Variants in KNL1 observed in about 807,000 individuals in gnomAD.
The protein encoded by KNL1 is kinetochore scaffold 1, also known as outer kinetochore KNL1 complex subunit KNL1.
Under a neutral mutation model 201.3 loss-of-function variants are expected in KNL1, and 66 were observed. The ratio of observed to expected loss-of-function variants is 0.33; its 90% CI spans 0.27 to 0.40. The LOEUF (loss-of-function observed/expected upper bound fraction) is 0.40, where lower values mean the gene tolerates loss of function less well. Among genes scored for constraint, KNL1 ranks in the 10% least tolerant of loss-of-function variants. The probability of loss-of-function intolerance (pLI) is 1.00; values close to 1 mark genes in which losing one functional copy is unlikely to be tolerated. For missense variants in KNL1, 2,815 were observed against 2,690.5 expected, an observed-to-expected ratio of 1.05 and a Z score of -1.02; for synonymous variants, 895 against 899.2, an observed-to-expected ratio of 1.00 and a Z score of 0.08.
Position 40,643,888 on chromosome 15 carries a change from GTTAAA to G in KNL1, c.5799-1103_5799-1099del, listed in dbSNP as rs1374081371. On this transcript the variant is annotated intron_variant, in intron 14 of 25. Coordinates refer to ENST00000399668, the MANE Select transcript of KNL1 (RefSeq NM_144508.5). ...ATTATGTAGAAAAAAACTAGGAAGA[GTTAAA>G]TTAAACATGATTGTAGACCTGAGCT... Among the ~76,000 whole-genome samples, 6 of 152,318 alleles carry G rather than the reference GTTAAA, an allele frequency of 3.9e-5. No homozygotes were observed. In the East Asian group the frequency reaches 1.2e-3, roughly 29 times the overall value.
intron 7 of KNL1, among the ~76,000 whole-genome samples, chr15:40,612,131 C>T (rs889661365): frequency 2.4e-4 from 36 of 152,220 alleles, no homozygotes; most frequent in South Asian, 2.1e-4. Context: ...TCCTGGCCAA[C>T]GTGGTGAAAC....
At chr15:40,658,303 G>A (rs1371324742) in intron 24 of KNL1, among the ~76,000 whole-genome samples, 4 of 151,792 alleles carry the variant, frequency 2.6e-5, no homozygotes, top group Non-Finnish European at 5.9e-5. Context: ...GCTGAGGCAG[G>A]TGGATCACGA....
chr15:40,645,160 C>A, intron 15 of KNL1, 73 bp downstream of exon 15: 1 of 1,012,516 alleles, frequency 9.9e-7, no homozygotes, highest in African/African-American at 1.6e-5. Context: ...AAATGAGTAA[C>A]TGTTACTTGG....
intron 11 of KNL1, among the ~76,000 whole-genome samples, 155 bp downstream of exon 11, chr15:40,628,363 C>A (rs948134857): frequency 6.6e-6 from 1 of 152,086 alleles, no homozygotes; most frequent in Non-Finnish European, 1.5e-5. Flanking sequence ...ATTTTTAATT[C>A]TTAGTTTGTA....
At chr15:40,648,047 C>G (rs1393795193) in intron 17 of KNL1, among the ~76,000 whole-genome samples, 2 of 152,110 alleles carry the variant, frequency 1.3e-5, no homozygotes, top group Non-Finnish European at 2.9e-5. Flanking sequence ...TACTGCATGC[C>G]AGATACTGTG....
intron 13 of KNL1, among the ~76,000 whole-genome samples, chr15:40,638,695 G>C (rs1893130818): frequency 6.6e-6 from 1 of 151,840 alleles, no homozygotes; most frequent in Non-Finnish European, 1.5e-5. Flanking sequence ...GTTTCTCCAG[G>C]TGGGCCAGGC....
chr15:40,624,437 G>C lies in KNL1; in HGVS notation c.4173G>C (p.Leu1391=), dbSNP rs1892666150. 6.2e-7 allele frequency: 1 copy of C among 1,613,948 alleles called. No homozygotes were observed. Residue 1391 remains leucine, a synonymous_variant, in exon 10 of 26, where the codon CTG becomes CTC. Coordinates refer to ENST00000399668, the MANE Select transcript of KNL1 (RefSeq NM_144508.5). ...CVITLHKDQD[L]IKDPRNLLAN... ...TAACACTGCACAAAGATCAAGATCT[G>C]ATTAAGGATCCACGAAATCTATTGG...
At chr15:40,638,533 C>G (rs1893125823) in intron 13 of KNL1, among the ~76,000 whole-genome samples, 1 of 151,948 alleles carries the variant, frequency 6.6e-6, no homozygotes, top group Non-Finnish European at 1.5e-5. Flanking sequence ...GCTCTGTCAC[C>G]TAGTCTGGAG....
chr15:40,648,529 T>C (rs1424029356), intron 17 of KNL1, among the ~76,000 whole-genome samples: 2 of 152,260 alleles, frequency 1.3e-5, no homozygotes, highest in African/African-American at 2.4e-5. Context: ...ACAATTCTTA[T>C]ACATTGTAAA....
chr15:40,610,144 A>T, intron 5 of KNL1, 101 bp from the exon 6 acceptor site: 1 of 645,510 alleles, frequency 1.5e-6, no homozygotes, highest in East Asian at 2.7e-5. Flanking sequence ...AGCTAAAATC[A>T]AAGTATTATC....
At chr15:40,613,177 C>A (rs1415551551) in intron 7 of KNL1, among the ~76,000 whole-genome samples, 4 of 152,054 alleles carry the variant, frequency 2.6e-5, no homozygotes, top group Non-Finnish European at 5.9e-5. Context: ...AGCTATATTA[C>A]TTAAGATAAA....
rs758695055 is a variant in KNL1, at chr15:40,621,361, G to A, written c.1097G>A (p.Ser366Asn). The stretch of plus-strand genomic sequence containing the variant: ...TCAGGAAATAAAACAGTTTTTAAGA[G>A]TAAACAAAATACTGCTTTTCAAGAC... The part of the protein sequence containing the change: ...KASGNKTVFK[S>N]KQNTAFQDLS... The change falls in exon 10 of 26, where the codon AGT becomes AAT. Residue 366 changes from serine (S) to asparagine (N), a missense_variant. This residue lies in a region of KNL1 where 2,464 missense variants were observed against 2,291.7 expected (regional missense o/e 1.08). Transcript: ENST00000399668. 49 of 1,611,348 alleles carry A rather than the reference G, an allele frequency of 3.0e-5. No homozygotes were observed. Among genetic ancestry groups the A allele is most frequent in the Non-Finnish European group, 3.4e-5 (40 of 1,178,576 alleles).
rs945365420 is a variant in KNL1 at position 40,618,059 on chromosome 15, C to T, written c.323-900C>T. Among the ~76,000 whole-genome samples the T allele has an allele frequency of 1.7e-4, 22 of 126,550 alleles. No homozygotes were observed. In the East Asian group the frequency reaches 5.2e-3, roughly 30 times the overall value. The allele number at this position is 126,550 out of a possible 152,430, so 83.0% of individuals were successfully genotyped here. A position where few individuals can be genotyped will look rare whatever the true frequency, so the allele number is the denominator to read the frequency against. ...TATGTACTCAAGCTCGTCATACATT[C>T]TTTAATGTGTTCTAAAGATTTGCCT... On this transcript the variant is annotated intron_variant, in intron 8 of 25. Transcript: ENST00000399668.
At chr15:40,619,867 T>C (rs777901830) in intron 9 of KNL1, among the ~76,000 whole-genome samples, 2 of 152,224 alleles carry the variant, frequency 1.3e-5, no homozygotes, top group Non-Finnish European at 2.9e-5. Context: ...GGGTGTATAA[T>C]TAACCTTGAA....
Position 40,623,779 on chromosome 15 carries a change from T to G in KNL1, c.3515T>G (p.Val1172Gly). 1 of 1,613,872 alleles carries G rather than the reference T, an allele frequency of 6.2e-7. No homozygotes were observed. Among genetic ancestry groups the G allele is most frequent in the Non-Finnish European group, 8.5e-7 (1 of 1,179,880 alleles). ...CTGGAAGTCACCGATTCCCATACTG[T>G]TTTCATTGACTGTCAAGCCACAGAG... ...SDLEVTDSHT[V>G]FIDCQATEKI... The change falls in exon 10 of 26, where the codon GTT becomes GGT. Residue 1172 changes from valine to glycine, a missense_variant. Val to Gly is a moderately radical substitution (Grantham distance 109). Around this residue, in one of 3 missense-constraint regions of KNL1, gnomAD observed 2,464 missense variants for 2,291.7 expected, o/e 1.08. Coordinates refer to ENST00000399668, the MANE Select transcript of KNL1 (RefSeq NM_144508.5).
chr15:40,621,630 G>C lies in KNL1; in HGVS notation c.1366G>C (p.Asp456His), dbSNP rs1405038990. 1 of 1,612,540 alleles carries C rather than the reference G, an allele frequency of 6.2e-7. No homozygotes were observed. Among genetic ancestry groups the C allele is most frequent in the Admixed American group, 1.7e-5 (1 of 59,746 alleles). ...AGAGGAGAAAAATTTGCTAAAGCAT[G>C]ACAGTAATTATGCTAAAATGTATTG... The part of the protein sequence containing the change: ...MREEKNLLKH[D>H]SNYAKMYCNP... Residue 456 changes from aspartate to histidine, a missense_variant, in exon 10 of 26, where the codon GAC becomes CAC. Around this residue, in one of 3 missense-constraint regions of KNL1, gnomAD observed 2,464 missense variants for 2,291.7 expected, o/e 1.08. Coordinates refer to ENST00000399668, the MANE Select transcript of KNL1 (RefSeq NM_144508.5).
intron 6 of KNL1, 90 bp downstream of exon 6, chr15:40,610,387 C>A: frequency 1.4e-6 from 1 of 731,868 alleles, no homozygotes; most frequent in South Asian, 1.6e-5. Context: ...AACTTATTGT[C>A]TATCTTATTG....
rs190773272 is a variant in KNL1, at chr15:40,635,457, C to T, written c.5683-5455C>T. On this transcript the variant is annotated intron_variant, in intron 13 of 25. Coordinates refer to ENST00000399668, the MANE Select transcript of KNL1 (RefSeq NM_144508.5). Reference sequence around the variant, plus strand: ...GCAACCTCCGCCTCCCAGGTTCAAGCGATTCTCCTGCCTCAGCCTCCCAAG... The same window carrying T: ...GCAACCTCCGCCTCCCAGGTTCAAGTGATTCTCCTGCCTCAGCCTCCCAAG... 6.4e-4 allele frequency among the ~76,000 whole-genome samples: 97 copies of T among 152,090 alleles called. 1 individual carries two copies. Among genetic ancestry groups the T allele is most frequent in the Middle Eastern group, 6.8e-3 (2 of 294 alleles).
chr15:40,602,808 C>T (rs145536531), intron 1 of KNL1, 107 bp from the exon 2 acceptor site: 3 of 611,352 alleles, frequency 4.9e-6, no homozygotes, highest in African/African-American at 3.8e-5. Context: ...TTTGGTCTTC[C>T]CTCAGAAAGT....
Sources: gnomAD v4.1 joint callset for allele counts (sites outside exome capture counted in the v4.1 genomes callset) on GRCh38, gnomAD v4.1.1 for gene constraint, gnomAD v4.1.1 regional missense constraint, MANE v1.5 for transcripts, NCBI Gene and HGNC (gene_info 2026-07-23, HGNC 2026-07-21) for gene names.